AK2: variants seen among roughly 807,000 people sequenced by gnomAD.
AK2 encodes adenylate kinase 2.
A neutral mutation model predicts 24.6 loss-of-function variants in AK2; 15 were observed. That is an observed-to-expected ratio of 0.61 (90% confidence interval 0.41 to 0.94). The LOEUF is 0.94. Ranked by LOEUF, AK2 falls within the 40% of genes least tolerant of loss-of-function variation. AK2 has a pLI of 0.00. For synonymous variants in AK2, 102 were observed against 114.0 expected (o/e 0.90, Z 0.67); for missense variants, 257 against 304.1 (o/e 0.85, Z 1.15).
At position 33,010,568 on chromosome 1, in the gene AK2, A is replaced by AT. The variant is rs1345706305; in HGVS notation, c.*2612dup. 1 of 836,838 alleles carries AT rather than the reference A, an allele frequency of 1.2e-6. No individual in the cohort carries two copies. Among genetic ancestry groups the AT allele is most frequent in the Non-Finnish European group, 1.9e-6 (1 of 516,938 alleles). The allele number at this position is 836,838 out of a possible 1,614,324, so 51.8% of individuals were successfully genotyped here. ...ATTCCTTAGAAATAATATTGTGTCT[A>AT]TTTCTACCCCCACCCTCCAAGCATG... is the stretch of plus-strand genomic sequence containing the variant. On this transcript the variant is annotated 3_prime_UTR_variant, in exon 6 of 6. Coordinates refer to ENST00000672715, the MANE Select transcript of AK2 (RefSeq NM_001625.4).
At chr1:33,033,546 G>A (rs910050084) in intron 1 of AK2, among the ~76,000 whole-genome samples, 2 of 152,112 alleles carry the variant, frequency 1.3e-5, no homozygotes, top group African/African-American at 4.8e-5. Context: ...TATCACATTG[G>A]TAACACAAAA....
At chr1:33,032,987 C>A (rs1640335855) in intron 1 of AK2, among the ~76,000 whole-genome samples, 1 of 151,970 alleles carries the variant, frequency 6.6e-6, no homozygotes, top group South Asian at 2.1e-4. Flanking sequence ...CACAGTGAAA[C>A]CCCGTCTCTA....
Position 33,011,302 on chromosome 1 carries a change from T to C in AK2, c.*1879A>G, listed in dbSNP as rs1337204194. 1 of 1,290,438 alleles carries C rather than the reference T, an allele frequency of 7.7e-7. No individual in the cohort carries two copies. Among genetic ancestry groups the C allele is most frequent in the East Asian group, 5.5e-5 (1 of 18,150 alleles). 79.9% of individuals were successfully genotyped at this position (1,290,438 alleles called of 1,614,324 possible). Reference sequence around the variant, plus strand: ...AGACCAGGCACACATAGCTGACAGTTTTTGTTTCACTCCTCTTCCTTGCCC... The same window carrying C: ...AGACCAGGCACACATAGCTGACAGTCTTTGTTTCACTCCTCTTCCTTGCCC... On this transcript the variant is annotated 3_prime_UTR_variant, in exon 6 of 6. Transcript: ENST00000672715.
rs1037694972 is a variant in AK2 at position 33,016,997 on chromosome 1, G to A, written c.426-2403C>T. On this transcript the variant is annotated intron_variant, in intron 4 of 5. Coordinates refer to ENST00000672715, the MANE Select transcript of AK2 (RefSeq NM_001625.4). ...TAGGATTACAGGTGTGAGCCACCGCGCCCGGTCTAGTTTTTTAATTTTTTG... is the reference window on the plus strand; with the variant it reads ...TAGGATTACAGGTGTGAGCCACCGCACCCGGTCTAGTTTTTTAATTTTTTG... Among the ~76,000 whole-genome samples the A allele has an allele frequency of 5.3e-5, 8 of 151,728 alleles. No homozygotes were observed. In the South Asian group the frequency reaches 8.3e-4, roughly 16 times the overall value.
chr1:33,035,019 C>T (rs941251196), intron 1 of AK2, among the ~76,000 whole-genome samples: 4 of 151,810 alleles, frequency 2.6e-5, no homozygotes, highest in East Asian at 1.9e-4. Context: ...GAGACCCTGT[C>T]TCAAAAAAAA....
chr1:33,030,114 T>G (rs1255540787), intron 1 of AK2, among the ~76,000 whole-genome samples: 1 of 152,242 alleles, frequency 6.6e-6, no homozygotes, highest in Non-Finnish European at 1.5e-5. Context: ...CCTGCACCAC[T>G]GCAGACAAAC....
At chr1:33,033,649 C>T (rs1437734598) in intron 1 of AK2, among the ~76,000 whole-genome samples, 1 of 152,060 alleles carries the variant, frequency 6.6e-6, no homozygotes, top group Non-Finnish European at 1.5e-5. Flanking sequence ...ATATTATTTA[C>T]AAATGAAATG....
chr1:33,013,327 T>C lies in AK2; in HGVS notation c.574A>G (p.Thr192Ala), dbSNP rs750738453. 2.5e-6 allele frequency: 4 copies of C among 1,613,808 alleles called. No homozygotes were observed. Among genetic ancestry groups the C allele is most frequent in the Admixed American group, 1.7e-5 (1 of 59,968 alleles). Residue 192 changes from threonine (T) to alanine (A), a missense_variant, in exon 6 of 6, where the codon ACT becomes GCT. Thr to Ala is a moderately conservative substitution (Grantham distance 58, BLOSUM62 0). Coordinates refer to ENST00000672715, the MANE Select transcript of AK2 (RefSeq NM_001625.4). Reference protein sequence around the residue: ...ALKIRLQAYHTQTTPLIEYYR... With the variant: ...ALKIRLQAYHAQTTPLIEYYR... ...TACTCTATGAGTGGGGTGGTTTGAG[T>C]GTGGTAGGCTTGCAGGCGGATTTTC...
chr1:33,013,086 T>G lies in AK2; in HGVS notation c.*95A>C, dbSNP rs1377090708. The G allele has an allele frequency of 1.2e-6, 2 of 1,610,006 alleles. No individual in the cohort carries two copies. On this transcript the variant is annotated 3_prime_UTR_variant, in exon 6 of 6. Coordinates refer to ENST00000672715, the MANE Select transcript of AK2 (RefSeq NM_001625.4). ...TTTTTAATCAATACATCAAATGATA[T>G]TTTTGCTAGCCTGAGGAAGCTTCTC... is the stretch of plus-strand genomic sequence containing the variant.
chr1:33,014,500 T>G (rs1199698878), intron 5 of AK2, 22 bp downstream of exon 5: 1 of 1,602,900 alleles, frequency 6.2e-7, no homozygotes, highest in African/African-American at 1.3e-5. Context: ...AAAAGGAAAT[T>G]TTTTGTCCTG....
Position 33,011,613 on chromosome 1 carries a change from G to A in AK2, c.*1568C>T. 1 of 1,289,246 alleles carries A rather than the reference G, an allele frequency of 7.8e-7. No individual in the cohort carries two copies. Among genetic ancestry groups the A allele is most frequent in the Non-Finnish European group, 1.0e-6 (1 of 990,242 alleles). 79.9% of individuals were successfully genotyped at this position (1,289,246 alleles called of 1,614,324 possible). A position where few individuals can be genotyped will look rare whatever the true frequency, so the allele number is the denominator to read the frequency against. On this transcript the variant is annotated 3_prime_UTR_variant, in exon 6 of 6. Transcript: ENST00000672715. ...TCGAGTCAGCAGCAGATTATGCTGA[G>A]GCTGGCGATATTATTTACTGGATCT...
chr1:33,035,773 G>T (rs1640540824), intron 1 of AK2, among the ~76,000 whole-genome samples: 1 of 152,114 alleles, frequency 6.6e-6, no homozygotes, highest in East Asian at 1.9e-4. Context: ...TAACTCCATG[G>T]TTCCTGAGGT....
chr1:33,027,105 A>C (rs1639940268), intron 1 of AK2, among the ~76,000 whole-genome samples: 1 of 152,222 alleles, frequency 6.6e-6, no homozygotes, highest in South Asian at 2.1e-4. Flanking sequence ...AAGCAAGACT[A>C]CGTCTCAAAC....
Position 33,008,069 on chromosome 1 carries a change from A to G in AK2, c.*5112T>C, listed in dbSNP as rs1268587237. ...ATTCTGCATATAATTTCAGAGGTCT[A>G]TGATTTCTAGGGGATCCTTAGCCTG... On this transcript the variant is annotated 3_prime_UTR_variant, in exon 6 of 6. Transcript: ENST00000672715. 1 of 454,042 alleles carries G rather than the reference A, an allele frequency of 2.2e-6. No individual in the cohort carries two copies. The highest frequency in any genetic ancestry group is 2.0e-5 in the African/African-American group (1 of 49,996). The allele number at this position is 454,042 out of a possible 1,614,324, so 28.1% of individuals were successfully genotyped here.
chr1:33,032,071 A>AGGTAT (rs1404323559), intron 1 of AK2: 1 of 173,008 alleles, frequency 5.8e-6, no homozygotes, highest in African/African-American at 2.4e-5. Flanking sequence ...TGAGTTACGC[A>AGGTAT]GGTATAACAA....
intron 1 of AK2, among the ~76,000 whole-genome samples, chr1:33,028,506 A>T (rs1253931098): frequency 7.9e-6 from 1 of 126,250 alleles, no homozygotes; most frequent in South Asian, 2.1e-4. Flanking sequence ...CGTCTCAAGA[A>T]AAAAAAAAAA....
At position 33,010,908 on chromosome 1, in the gene AK2, G is replaced by A. The variant is rs1638783533; in HGVS notation, c.*2273C>T. The A allele has an allele frequency of 1.2e-6, 2 of 1,605,746 alleles. No homozygotes were observed. Among genetic ancestry groups the A allele is most frequent in the South Asian group, 1.1e-5 (1 of 89,602 alleles). ...AGTACATATCAGAGGAGGCTGGCAT[G>A]TAAGCCCCAGCAACCAAATGCATTA... On this transcript the variant is annotated 3_prime_UTR_variant, in exon 6 of 6. Coordinates refer to ENST00000672715, the MANE Select transcript of AK2 (RefSeq NM_001625.4).
At chr1:33,020,230 A>ACACACACAC in intron 4 of AK2, 1 of 690,746 alleles carries the variant, frequency 1.4e-6, no homozygotes, top group Non-Finnish European at 2.1e-6. Context: ...CACACACACA[A>ACACACACAC]AGTGGCTGTA....
chr1:33,034,682 C>A (rs1031125754), intron 1 of AK2, among the ~76,000 whole-genome samples: 4 of 152,138 alleles, frequency 2.6e-5, no homozygotes, highest in Admixed American at 2.6e-4. Flanking sequence ...AATTATAAAA[C>A]CCTTGTCCCA....
Sources: allele counts gnomAD v4.1 joint callset (sites outside exome capture counted in the v4.1 genomes callset), GRCh38; gene constraint gnomAD v4.1.1; transcripts MANE v1.5; gene names NCBI Gene and HGNC (gene_info 2026-07-23, HGNC 2026-07-21).